GALNT2: variants seen among roughly 807,000 people sequenced by gnomAD.
The protein encoded by GALNT2 is polypeptide N-acetylgalactosaminyltransferase 2, also known as UDP-GalNAc:polypeptide N-acetylgalactosaminyltransferase 2.
In GALNT2, 31 loss-of-function variants were observed where a neutral mutation model predicts 81.4. The observed-to-expected ratio is 0.38, with a 90% CI of 0.29 to 0.51. The LOEUF is 0.51. Ranked by LOEUF, GALNT2 falls within the 20% of genes least tolerant of loss-of-function variation. The pLI, the probability that GALNT2 is intolerant of heterozygous loss-of-function variation, is 0.87. For missense variants in GALNT2, 629 were observed against 765.7 expected, an observed-to-expected ratio of 0.82 and a Z score of 2.11; for synonymous variants, 303 against 287.4, an observed-to-expected ratio of 1.05 and a Z score of -0.55.
At chr1:230,180,606 A>G (rs1315843824) in intron 2 of GALNT2, among the ~76,000 whole-genome samples, 1 of 152,110 alleles carries the variant, frequency 6.6e-6, no homozygotes, top group Admixed American at 6.5e-5. Context: ...GCTGTTCCAT[A>G]TAAATTTGTA....
intron 1 of GALNT2, among the ~76,000 whole-genome samples, chr1:230,169,517 C>G (rs985347103): frequency 2.6e-5 from 4 of 152,190 alleles, no homozygotes; most frequent in African/African-American, 9.7e-5. Context: ...CTGTGCGTAG[C>G]TATAGGGATT....
Position 230,178,283 on chromosome 1 carries a change from A to G in GALNT2, c.192A>G (p.Lys64=). 6.2e-7 allele frequency: 1 copy of G among 1,614,046 alleles called. No individual in the cohort carries two copies. The highest frequency in any genetic ancestry group is 8.5e-7 in the Non-Finnish European group (1 of 1,179,942). Residue 64 remains lysine (K), a synonymous_variant, in exon 2 of 16, where the codon AAA becomes AAG. Transcript: ENST00000366672. ...KDLHHSNGEE[K]AQSMETLPPG... Reference sequence around the variant, plus strand: ...TTCATCACAGCAATGGAGAAGAGAAAGCACAAAGCATGGAGACCCTCCCTC... The same window carrying G: ...TTCATCACAGCAATGGAGAAGAGAAGGCACAAAGCATGGAGACCCTCCCTC...
At chr1:230,076,315 T>C (rs372688798) in intron 1 of GALNT2, among the ~76,000 whole-genome samples, 10 of 152,352 alleles carry the variant, frequency 6.6e-5, no homozygotes, top group African/African-American at 1.9e-4. Context: ...AGGTGCACCA[T>C]TGAAGAACAG....
In GALNT2 at chr1:230,193,294, CA is replaced by C. The variant is rs1236464230; in HGVS notation, c.221-9842del. 6.6e-6 allele frequency among the ~76,000 whole-genome samples: 1 copy of C among 152,186 alleles called. No individual in the cohort carries two copies. Among genetic ancestry groups the C allele is most frequent in the African/African-American group, 2.4e-5 (1 of 41,436 alleles). On this transcript the variant is annotated intron_variant, in intron 2 of 15. Transcript: ENST00000366672. The surrounding 1 kb of genome is among the most constrained non-coding windows in gnomAD (Gnocchi z 4.3). The stretch of plus-strand genomic sequence containing the variant: ...ATCCACTGAGACTCTCAGTTTCCTG[CA>C]CAACGGGACCTGCATCCAGGAAGAT...
chr1:230,261,695 T>C (rs973774486), intron 11 of GALNT2, among the ~76,000 whole-genome samples: 3 of 152,240 alleles, frequency 2.0e-5, no homozygotes, highest in African/African-American at 7.2e-5. Context: ...CTATGAGATT[T>C]AAGTACATGG....
At chr1:230,188,470 G>A (rs1663414882) in intron 2 of GALNT2, among the ~76,000 whole-genome samples, 1 of 152,218 alleles carries the variant, frequency 6.6e-6, no homozygotes, top group African/African-American at 2.4e-5. Context: ...TGTGGCCTTA[G>A]ACAAGTTAAG....
At position 230,265,247 on chromosome 1, in the gene GALNT2, A is replaced by G. The variant is rs1480376725; in HGVS notation, c.1320A>G (p.Pro440=). Residue 440 remains proline, a synonymous_variant, in exon 14 of 16, where the codon CCA becomes CCG. Transcript: ENST00000366672. ...TTCTCACGTTGTTTTTCAGGGTTCC[A>G]GACCATCAGGATATAGCTTTTGGGG... ...LENVYPELRV[P]DHQDIAFGAL... The G allele has an allele frequency of 6.2e-7, 1 of 1,614,080 alleles. No homozygotes were observed. The highest frequency in any genetic ancestry group is 8.5e-7 in the Non-Finnish European group (1 of 1,180,050).
chr1:230,185,910 A>G (rs748047926), intron 2 of GALNT2, among the ~76,000 whole-genome samples: 1 of 152,164 alleles, frequency 6.6e-6, no homozygotes, highest in East Asian at 1.9e-4. Context: ...CTACCCCCGT[A>G]GTGGATCTTC....
At chr1:230,150,880 C>T (rs1349259754) in intron 1 of GALNT2, among the ~76,000 whole-genome samples, 1 of 152,190 alleles carries the variant, frequency 6.6e-6, no homozygotes, top group Non-Finnish European at 1.5e-5. Context: ...CAAAGGAATC[C>T]ATCGTTTTCT....
upstream of GALNT2, among the ~76,000 whole-genome samples, chr1:230,062,658 C>A (rs2983377): frequency 6.6e-6 from 1 of 152,160 alleles, no homozygotes; most frequent in Non-Finnish European, 1.5e-5. Context: ...TTGTCCTCAA[C>A]GTTCATCCAT....
chr1:230,139,411 C>T (rs1456174196), intron 1 of GALNT2, among the ~76,000 whole-genome samples: 2 of 152,178 alleles, frequency 1.3e-5, no homozygotes, highest in Non-Finnish European at 2.9e-5. Context: ...ACACCAAGAC[C>T]CCTCTTCTAG....
At chr1:230,277,387 A>C (rs1666329707) in intron 15 of GALNT2, among the ~76,000 whole-genome samples, 1 of 152,220 alleles carries the variant, frequency 6.6e-6, no homozygotes, top group South Asian at 2.1e-4. Flanking sequence ...GACACATGAC[A>C]GGCAGTCCCT....
At chr1:230,266,204 A>G (rs1018105270) in intron 14 of GALNT2, among the ~76,000 whole-genome samples, 2 of 152,054 alleles carry the variant, frequency 1.3e-5, no homozygotes, top group African/African-American at 4.8e-5. Flanking sequence ...CAAAAAACAA[A>G]CAAACAAACA....
intron 1 of GALNT2, among the ~76,000 whole-genome samples, chr1:230,123,936 C>T (rs1256448575): frequency 6.6e-6 from 1 of 152,186 alleles, no homozygotes; most frequent in Admixed American, 6.5e-5. Flanking sequence ...TGTGAAAACA[C>T]CTGGTTTTGG....
chr1:230,112,528 G>T (rs1005843392), intron 1 of GALNT2, among the ~76,000 whole-genome samples: 2 of 152,150 alleles, frequency 1.3e-5, no homozygotes, highest in African/African-American at 4.8e-5. Flanking sequence ...TGGGGTGAGG[G>T]CAGTGGAGGA....
chr1:230,111,246 TACTAATTTGTGCACACGTGCAC>T (rs11269501), intron 1 of GALNT2, among the ~76,000 whole-genome samples: 24,937 of 152,182 alleles, frequency 0.16, 2,130 homozygotes, highest in South Asian at 0.23. Context: ...CACGTGTGCA[TACTAATTTGTGCACACGTGCAC>T]ACTGCAATGT....
At chr1:230,262,522 A>T (rs1355527344) in intron 11 of GALNT2, 51 bp from the exon 12 acceptor site, 2 of 1,491,038 alleles carry the variant, frequency 1.3e-6, no homozygotes, top group Admixed American at 3.4e-5. Flanking sequence ...AAATGGAGTG[A>T]TGCAGACAGA....
intron 10 of GALNT2, among the ~76,000 whole-genome samples, chr1:230,250,967 C>A (rs1008645639): frequency 6.6e-6 from 1 of 152,100 alleles, no homozygotes; most frequent in South Asian, 2.1e-4. Context: ...CATGAAAATC[C>A]GATGGGGCAG....
At chr1:230,092,659 A>G (rs536344999) in intron 1 of GALNT2, among the ~76,000 whole-genome samples, 1 of 152,278 alleles carries the variant, frequency 6.6e-6, no homozygotes, top group Non-Finnish European at 1.5e-5. Context: ...TGACATTTCT[A>G]AACCTTATCT....
Sources: gnomAD v4.1 joint callset for allele counts (sites outside exome capture counted in the v4.1 genomes callset) on GRCh38, gnomAD v4.1.1 for gene constraint, Gnocchi (gnomAD v3.1) non-coding constraint, MANE v1.5 for transcripts, NCBI Gene and HGNC (gene_info 2026-07-23, HGNC 2026-07-21) for gene names.